The following NFATC1 variants were observed in gnomAD, a reference collection of about 807,000 sequenced individuals.
NFATC1 encodes nuclear factor of activated T-cells, cytoplasmic 1.
In NFATC1, 22 loss-of-function variants were observed where a neutral mutation model predicts 76.0. That is an observed-to-expected ratio of 0.29 (90% confidence interval 0.21 to 0.41). The LOEUF (loss-of-function observed/expected upper bound fraction) is 0.41. Ranked by LOEUF, NFATC1 falls within the 10% of genes least tolerant of loss-of-function variation. The pLI is 1.00. For missense variants in NFATC1, 1,357 were observed against 1,337.7 expected, an observed-to-expected ratio of 1.01 and a Z score of -0.23; for synonymous variants, 704 against 613.1, an observed-to-expected ratio of 1.15 and a Z score of -2.19.
chr18:79,449,015 A>T (rs2278801), intron 4 of NFATC1, 31 bp downstream of exon 4: 4 of 1,604,312 alleles, frequency 2.5e-6, no homozygotes, highest in Middle Eastern at 1.8e-4. Context: ...GGCCTCTGGC[A>T]GGGGGCGGTA....
intron 2 of NFATC1, among the ~76,000 whole-genome samples, chr18:79,416,226 C>G (rs766635717): frequency 1.9e-4 from 29 of 152,248 alleles, no homozygotes; most frequent in Non-Finnish European, 3.7e-4. Flanking sequence ...GAAAGTTTCA[C>G]AGTTTATCAC....
intron 8 of NFATC1, among the ~76,000 whole-genome samples, chr18:79,475,564 C>T (rs906397273): frequency 2.0e-5 from 3 of 150,114 alleles, no homozygotes; most frequent in Non-Finnish European, 4.4e-5. Flanking sequence ...TGTTCTCACG[C>T]TCACTGTCGA....
intron 8 of NFATC1, chr18:79,467,791 TG>T: frequency 3.2e-5 from 5 of 158,474 alleles, no homozygotes; most frequent in Non-Finnish European, 3.6e-5. Context: ...CTGTTGGGGG[TG>T]GGGGGCGGGG....
intron 3 of NFATC1, among the ~76,000 whole-genome samples, chr18:79,434,675 A>G (rs982891987): frequency 6.6e-6 from 1 of 152,242 alleles, no homozygotes; most frequent in African/African-American, 2.4e-5. Context: ...TTATTTAGGG[A>G]ATGATGCAAG....
At chr18:79,476,006 T>C (rs76694706) in intron 8 of NFATC1, among the ~76,000 whole-genome samples, 16,443 of 151,966 alleles carry the variant, frequency 0.11, 1,081 homozygotes, top group Non-Finnish European at 0.15. Flanking sequence ...TGGGCGAGTC[T>C]GGCTCCAGAA....
At chr18:79,473,787 G>A (rs1014273279) in intron 8 of NFATC1, among the ~76,000 whole-genome samples, 13 of 148,096 alleles carry the variant, frequency 8.8e-5, no homozygotes, top group Admixed American at 7.4e-4. Flanking sequence ...ACATAAACCT[G>A]AGGGAAGCGT....
chr18:79,404,584 G>A (rs1224087184), intron 1 of NFATC1, among the ~76,000 whole-genome samples: 1 of 152,210 alleles, frequency 6.6e-6, no homozygotes, highest in Non-Finnish European at 1.5e-5. Flanking sequence ...CCTGGGGGTC[G>A]ACCTGTGGTT....
intron 2 of NFATC1, among the ~76,000 whole-genome samples, chr18:79,413,187 G>A (rs541317268): frequency 1.3e-5 from 2 of 152,342 alleles, no homozygotes; most frequent in East Asian, 3.9e-4. Context: ...GGCGAGATAA[G>A]GGAAGAGTGA....
chr18:79,410,164 G>A lies in NFATC1; in HGVS notation c.128-239G>A, dbSNP rs1362262229. On this transcript the variant is annotated intron_variant, in intron 1 of 9. Coordinates refer to ENST00000427363, the MANE Select transcript of NFATC1 (RefSeq NM_001278669.2). The surrounding 1 kb of genome is among the most constrained non-coding windows in gnomAD (Gnocchi z 6.7). ...TCGGGGGCTTGTGCTGCTGTTAGGG[G>A]AGGAGGGGAGGTGGGCAGTGAGGGG... is the stretch of plus-strand genomic sequence containing the variant. 6 of 761,124 alleles carry A rather than the reference G, an allele frequency of 7.9e-6. No individual in the cohort carries two copies. The highest frequency in any genetic ancestry group is 3.4e-5 in the African/African-American group (2 of 58,974). The allele number at this position is 761,124 out of a possible 1,614,324, so 47.1% of individuals were successfully genotyped here. A position where few individuals can be genotyped will look rare whatever the true frequency, so the allele number is the denominator to read the frequency against.
intron 6 of NFATC1, among the ~76,000 whole-genome samples, chr18:79,459,896 A>C (rs527435731): frequency 2.0e-5 from 3 of 152,272 alleles, no homozygotes; most frequent in African/African-American, 7.2e-5. Context: ...TGGCATCAGC[A>C]CCTGTGCTGG....
intron 8 of NFATC1, among the ~76,000 whole-genome samples, chr18:79,476,555 G>T (rs909180504): frequency 1.3e-5 from 2 of 152,178 alleles, no homozygotes; most frequent in Non-Finnish European, 2.9e-5. Flanking sequence ...TCCTGGCCCC[G>T]TCGCTGCCAC....
At chr18:79,468,002 A>G (rs2088605836) in intron 8 of NFATC1, 1 of 998,544 alleles carries the variant, frequency 1.0e-6, no homozygotes, top group South Asian at 4.3e-5. Flanking sequence ...TTAAGCCTGT[A>G]GTCCTGATGT....
chr18:79,483,636 G>A (rs376510065), intron 8 of NFATC1, among the ~76,000 whole-genome samples: 8 of 140,154 alleles, frequency 5.7e-5, no homozygotes, highest in East Asian at 4.5e-4. Flanking sequence ...TCACTCTGGC[G>A]TGACCTGGTC....
chr18:79,418,352 C>T (rs532503272), intron 2 of NFATC1, among the ~76,000 whole-genome samples: 97 of 151,980 alleles, frequency 6.4e-4, no homozygotes, highest in Non-Finnish European at 1.2e-3. Context: ...CAGAACTGGA[C>T]TCTGCCATGA....
At chr18:79,491,698 A>G (rs2089683100) in intron 9 of NFATC1, among the ~76,000 whole-genome samples, 2 of 152,204 alleles carry the variant, frequency 1.3e-5, no homozygotes, top group South Asian at 4.1e-4. Context: ...CTCCAGGGAC[A>G]ACAAGCCTGG....
At chr18:79,449,590 C>T (rs189920716) in intron 4 of NFATC1, among the ~76,000 whole-genome samples, 2 of 152,170 alleles carry the variant, frequency 1.3e-5, no homozygotes, top group South Asian at 2.1e-4. Context: ...TGGGGGGAAC[C>T]GAAAACAGAC....
intron 9 of NFATC1, among the ~76,000 whole-genome samples, chr18:79,514,071 G>T (rs1284905774): frequency 1.3e-5 from 2 of 152,184 alleles, no homozygotes. Context: ...CGCTGCCCAG[G>T]TTCAGCTGTG....
chr18:79,503,731 C>T (rs2090061744), intron 9 of NFATC1, among the ~76,000 whole-genome samples: 1 of 152,232 alleles, frequency 6.6e-6, no homozygotes. Context: ...TCCTCTCCAG[C>T]TATGGGAGTC....
intron 2 of NFATC1, among the ~76,000 whole-genome samples, chr18:79,425,683 G>A (rs573129598): frequency 4.8e-4 from 73 of 152,332 alleles, no homozygotes; most frequent in Non-Finnish European, 9.1e-4. Context: ...GGCGACTCAT[G>A]AGGAGAGTGT....
Sources: gnomAD v4.1 joint callset for allele counts (sites outside exome capture counted in the v4.1 genomes callset) on GRCh38, gnomAD v4.1.1 for gene constraint, Gnocchi (gnomAD v3.1) non-coding constraint, MANE v1.5 for transcripts, NCBI Gene and HGNC (gene_info 2026-07-23, HGNC 2026-07-21) for gene names.